ZNF721: variants seen among roughly 807,000 people sequenced by gnomAD.
ZNF721 encodes zinc finger protein 721.
In ZNF721, 2 loss-of-function variants were observed where a neutral mutation model predicts 2.4. The ratio of observed to expected loss-of-function variants is 0.82; its 90% confidence interval spans 0.34 to 2.58. ZNF721 has a LOEUF of 2.58. ZNF721 is among the 30% of genes most tolerant of loss of function. The probability of loss-of-function intolerance (pLI) is 0.11; values close to 1 mark genes in which losing one functional copy is unlikely to be tolerated. For missense variants in ZNF721, 1,187 were observed against 1,085.5 expected, an observed-to-expected ratio of 1.09 and a Z score of -1.31; for synonymous variants, 398 against 381.8, an observed-to-expected ratio of 1.04 and a Z score of -0.50.
intron 1 of ZNF721, among the ~76,000 whole-genome samples, chr4:476,741 T>C (rs1340197417): frequency 1.3e-5 from 2 of 152,204 alleles, no homozygotes; most frequent in Non-Finnish European, 2.9e-5. Flanking sequence ...CTGCTCCAAC[T>C]CTAAGTTACA....
chr4:467,249 G>A (rs1345553031), intron 2 of ZNF721, among the ~76,000 whole-genome samples: 1 of 151,810 alleles, frequency 6.6e-6, no homozygotes, highest in Non-Finnish European at 1.5e-5. Flanking sequence ...AAAGGATGTG[G>A]CTTACATGGC....
chr4:477,063 C>G (rs1348957704), intron 1 of ZNF721, among the ~76,000 whole-genome samples: 1 of 152,070 alleles, frequency 6.6e-6, no homozygotes, highest in Non-Finnish European at 1.5e-5. Context: ...ACTAAATCTA[C>G]TAACCAGGTT....
intron 2 of ZNF721, among the ~76,000 whole-genome samples, chr4:470,055 T>G (rs1258183652): frequency 6.6e-6 from 1 of 152,166 alleles, no homozygotes; most frequent in Non-Finnish European, 1.5e-5. Context: ...GCTAATTTTT[T>G]GTATTTTTAG....
chr4:457,655 C>T (rs967783976), intron 2 of ZNF721, among the ~76,000 whole-genome samples: 2 of 152,126 alleles, frequency 1.3e-5, no homozygotes, highest in African/African-American at 4.8e-5. Flanking sequence ...GCCCAGACAC[C>T]CACAGAGAGA....
At chr4:464,331 A>G (rs1715168769) in intron 2 of ZNF721, among the ~76,000 whole-genome samples, 1 of 152,006 alleles carries the variant, frequency 6.6e-6, no homozygotes, top group Non-Finnish European at 1.5e-5. Context: ...TTGGCTGGAC[A>G]TGGTGGCAGG....
intron 2 of ZNF721, among the ~76,000 whole-genome samples, chr4:446,149 AAC>A (rs1553864124): frequency 6.9e-6 from 1 of 145,402 alleles, no homozygotes; most frequent in Non-Finnish European, 1.6e-5. Flanking sequence ...AAGAAAACCA[AAC>A]ATAATCATAC....
At chr4:459,564 T>C (rs1423206430) in intron 2 of ZNF721, among the ~76,000 whole-genome samples, 2 of 134,232 alleles carry the variant, frequency 1.5e-5, no homozygotes, top group African/African-American at 5.6e-5. Flanking sequence ...GTGCAGTGGC[T>C]CACACCTGTA....
At chr4:453,578 T>C (rs1553865078) in intron 2 of ZNF721, 1 of 152,168 alleles carries the variant, frequency 6.6e-6, no homozygotes, top group African/African-American at 2.4e-5. Context: ...GAATAACCTA[T>C]CTACTAATGG....
intron 2 of ZNF721, among the ~76,000 whole-genome samples, chr4:469,948 C>A (rs1036652862): frequency 1.1e-4 from 17 of 152,168 alleles, no homozygotes; most frequent in African/African-American, 4.1e-4. Context: ...GTGGCGCCAT[C>A]TCGGCTCACT....
At chr4:480,669 G>A (rs1412038754) in intron 1 of ZNF721, among the ~76,000 whole-genome samples, 1 of 152,032 alleles carries the variant, frequency 6.6e-6, no homozygotes, top group Non-Finnish European at 1.5e-5. Flanking sequence ...TTTGTTTCTG[G>A]CATGTTTCAC....
At chr4:481,221 G>A (rs1254223189) in intron 1 of ZNF721, among the ~76,000 whole-genome samples, 1 of 152,128 alleles carries the variant, frequency 6.6e-6, no homozygotes, top group East Asian at 1.9e-4. Context: ...CACACCCAGA[G>A]GCATTTTATT....
chr4:482,483 TTCA>T (rs1715795096), intron 1 of ZNF721, among the ~76,000 whole-genome samples: 1 of 148,994 alleles, frequency 6.7e-6, no homozygotes, highest in South Asian at 2.1e-4. Flanking sequence ...CTTAATTTTA[TTCA>T]TCAAGTTGTT....
At chr4:472,005 C>T (rs1715451573) in intron 2 of ZNF721, among the ~76,000 whole-genome samples, 1 of 152,166 alleles carries the variant, frequency 6.6e-6, no homozygotes, top group Admixed American at 6.5e-5. Context: ...AGCAATGTTG[C>T]TATATACCAA....
At chr4:491,232 C>A (rs1338496887) in intron 1 of ZNF721, among the ~76,000 whole-genome samples, 1 of 152,032 alleles carries the variant, frequency 6.6e-6, no homozygotes, top group African/African-American at 2.4e-5. Flanking sequence ...TCGAGACCAG[C>A]CTGGCCAACA....
At chr4:497,192 TTGA>T (rs1318161168) in intron 1 of ZNF721, among the ~76,000 whole-genome samples, 3 of 151,836 alleles carry the variant, frequency 2.0e-5, no homozygotes, top group African/African-American at 7.3e-5. Flanking sequence ...CTTGCCTTCC[TTGA>T]TGAAGCGAGT....
intron 2 of ZNF721, among the ~76,000 whole-genome samples, chr4:467,484 T>C (rs1411982993): frequency 6.6e-6 from 1 of 152,136 alleles, no homozygotes; most frequent in Non-Finnish European, 1.5e-5. Flanking sequence ...ATAGTTAGGG[T>C]TGTGAAACCT....
chr4:490,243 G>A (rs1451553063), intron 1 of ZNF721, among the ~76,000 whole-genome samples: 2 of 152,016 alleles, frequency 1.3e-5, no homozygotes, highest in Non-Finnish European at 2.9e-5. Flanking sequence ...TTGGGAGGCT[G>A]AGGCGGGCAG....
intron 1 of ZNF721, among the ~76,000 whole-genome samples, chr4:495,189 T>C (rs1716118449): frequency 6.6e-6 from 1 of 152,030 alleles, no homozygotes; most frequent in Admixed American, 6.6e-5. Context: ...GCCTAAATTT[T>C]TTTTTAACAA....
intron 2 of ZNF721, among the ~76,000 whole-genome samples, chr4:459,315 G>A (rs1553865757): frequency 6.6e-6 from 1 of 152,148 alleles, no homozygotes; most frequent in African/African-American, 2.4e-5. Context: ...AATCTTAAAT[G>A]TAAAACGGCT....
Sources: gnomAD v4.1 joint callset for allele counts (sites outside exome capture counted in the v4.1 genomes callset) on GRCh38, gnomAD v4.1.1 for gene constraint, MANE v1.5 for transcripts, NCBI Gene and HGNC (gene_info 2026-07-23, HGNC 2026-07-21) for gene names.